The following SHISAL2B variants were observed in gnomAD, a reference collection of about 807,000 sequenced individuals.
SHISAL2B encodes the protein shisa like 2B, also known as protein shisa-like-2B.
Under a neutral mutation model 16.5 loss-of-function variants are expected in SHISAL2B, and 12 were observed. The observed-to-expected ratio is 0.73, with a 90% CI of 0.47 to 1.18. SHISAL2B has a LOEUF of 1.18. SHISAL2B is among the 50% of genes most tolerant of loss of function. The pLI is 0.00. For missense variants in SHISAL2B, 183 were observed against 193.6 expected, an observed-to-expected ratio of 0.95 and a Z score of 0.33; for synonymous variants, 72 against 75.0, an observed-to-expected ratio of 0.96 and a Z score of 0.21.
chr5:64,694,907 A>G (rs558180579), intron 1 of SHISAL2B, among the ~76,000 whole-genome samples: 1 of 152,316 alleles, frequency 6.6e-6, no homozygotes, highest in East Asian at 1.9e-4. Flanking sequence ...TTTTAGAATT[A>G]TCCCTAGAGA....
chr5:64,716,500 ATTAG>A (rs1433269011), intron 2 of SHISAL2B, among the ~76,000 whole-genome samples: 1 of 152,194 alleles, frequency 6.6e-6, no homozygotes, highest in African/African-American at 2.4e-5. Flanking sequence ...GGTAAATTAT[ATTAG>A]TTAATAAGTG....
At chr5:64,714,907 G>C (rs576286054) in intron 2 of SHISAL2B, among the ~76,000 whole-genome samples, 4 of 152,070 alleles carry the variant, frequency 2.6e-5, no homozygotes, top group Non-Finnish European at 5.9e-5. Context: ...GCTCGTGCAC[G>C]GTGCGTGCAC....
At chr5:64,714,670 T>C (rs904092457) in intron 2 of SHISAL2B, among the ~76,000 whole-genome samples, 3 of 152,196 alleles carry the variant, frequency 2.0e-5, no homozygotes, top group Non-Finnish European at 4.4e-5. Flanking sequence ...GATCTCAGAC[T>C]GCTGTGCTAG....
intron 2 of SHISAL2B, among the ~76,000 whole-genome samples, chr5:64,714,747 CT>C (rs1742017649): frequency 6.6e-6 from 1 of 152,182 alleles, no homozygotes; most frequent in Non-Finnish European, 1.5e-5. Context: ...TCGTGGTGCG[CT>C]GTTTTTTTAA....
chr5:64,696,273 C>T (rs1054726360), intron 2 of SHISAL2B, among the ~76,000 whole-genome samples: 6 of 152,146 alleles, frequency 3.9e-5, no homozygotes, highest in African/African-American at 7.2e-5. Flanking sequence ...CTGTTATCTT[C>T]GTAAGCTGAG....
chr5:64,714,964 C>T (rs1195676866), intron 2 of SHISAL2B, among the ~76,000 whole-genome samples: 3 of 152,106 alleles, frequency 2.0e-5, no homozygotes, highest in Admixed American at 6.5e-5. Flanking sequence ...GAGATGAACC[C>T]GGTACCTCAG....
intron 1 of SHISAL2B, among the ~76,000 whole-genome samples, chr5:64,693,250 G>A (rs182274911): frequency 7.2e-5 from 11 of 151,914 alleles, no homozygotes; most frequent in African/African-American, 2.7e-4. Context: ...CTCGTGATTC[G>A]CCCGCCTCAG....
intron 1 of SHISAL2B, among the ~76,000 whole-genome samples, chr5:64,693,570 T>C (rs905147473): frequency 1.3e-5 from 2 of 152,218 alleles, no homozygotes; most frequent in Non-Finnish European, 2.9e-5. Flanking sequence ...GTTTGAAGAA[T>C]CTTTCCAGAT....
chr5:64,702,594 C>T (rs962089067), intron 2 of SHISAL2B, among the ~76,000 whole-genome samples: 1 of 151,456 alleles, frequency 6.6e-6, no homozygotes, highest in Admixed American at 6.6e-5. Context: ...ATATAATTAC[C>T]TAGCTATATA....
At chr5:64,690,851 G>T in intron 1 of SHISAL2B, 37 bp downstream of exon 1, 1 of 1,470,358 alleles carries the variant, frequency 6.8e-7, no homozygotes, top group Non-Finnish European at 9.0e-7. Flanking sequence ...GGCTGGCCGA[G>T]CCCGGGGCTA....
intron 2 of SHISAL2B, among the ~76,000 whole-genome samples, chr5:64,707,642 T>A (rs1232590471): frequency 6.6e-6 from 1 of 152,202 alleles, no homozygotes; most frequent in Non-Finnish European, 1.5e-5. Flanking sequence ...GTTTCCAAAT[T>A]CTGGAGAAAT....
Position 64,706,692 on chromosome 5 carries a change from G to A in SHISAL2B, c.349+11028G>A, listed in dbSNP as rs561908363. Among the ~76,000 whole-genome samples the A allele has an allele frequency of 5.3e-5, 8 of 152,218 alleles. No individual in the cohort carries two copies. In the East Asian group the frequency reaches 1.4e-3, roughly 26 times the overall value. On this transcript the variant is annotated intron_variant, in intron 2 of 2. Coordinates refer to ENST00000389074, the MANE Select transcript of SHISAL2B (RefSeq NM_001164442.2). ...TCCTATCAAAGAGAAAATAGGGGGA[G>A]GAAGAGAGAAAACAAACAAAAACAG...
chr5:64,700,100 A>G (rs1207617192), intron 2 of SHISAL2B, among the ~76,000 whole-genome samples: 2 of 152,220 alleles, frequency 1.3e-5, no homozygotes, highest in Non-Finnish European at 2.9e-5. Flanking sequence ...ATTGTTCTGT[A>G]CAGGACGTAC....
intron 2 of SHISAL2B, among the ~76,000 whole-genome samples, chr5:64,717,112 G>A (rs780557156): frequency 6.6e-6 from 1 of 152,142 alleles, no homozygotes; most frequent in Non-Finnish European, 1.5e-5. Context: ...GTAGCAGGGA[G>A]TAAAAAAGAA....
At chr5:64,693,821 G>C (rs1256047883) in intron 1 of SHISAL2B, among the ~76,000 whole-genome samples, 1 of 152,158 alleles carries the variant, frequency 6.6e-6, no homozygotes, top group East Asian at 1.9e-4. Context: ...AGTGACTCTA[G>C]CCATAAAATT....
At chr5:64,696,623 C>T (rs1741740316) in intron 2 of SHISAL2B, among the ~76,000 whole-genome samples, 1 of 152,066 alleles carries the variant, frequency 6.6e-6, no homozygotes, top group Non-Finnish European at 1.5e-5. Flanking sequence ...GAGTGTCTGT[C>T]TTATGTGGTT....
intron 1 of SHISAL2B, among the ~76,000 whole-genome samples, chr5:64,693,143 G>T (rs531015783): frequency 6.6e-6 from 1 of 152,168 alleles, no homozygotes; most frequent in Admixed American, 6.5e-5. Context: ...GAGTAGCTGG[G>T]ACTACAGGCG....
At position 64,695,655 on chromosome 5, in the gene SHISAL2B, A is replaced by G; in HGVS notation, c.340A>G (p.Thr114Ala). Residue 114 changes from threonine (T) to alanine (A), a missense_variant, in exon 2 of 3, where the codon ACT (threonine) becomes GCT (alanine). By Grantham distance (58) the Thr-to-Ala change is moderately conservative (BLOSUM62 0). Coordinates refer to ENST00000389074, the MANE Select transcript of SHISAL2B (RefSeq NM_001164442.2). ...LKLQHLEASS[T>A]QEGKSNGKTK... is the part of the protein sequence containing the mutation. ...GCTTCAACACTTAGAGGCTTCTTCCACTCAAGAAGGTAATCAGTATCTATT... is the reference window on the plus strand; with the variant it reads ...GCTTCAACACTTAGAGGCTTCTTCCGCTCAAGAAGGTAATCAGTATCTATT... 2 of 1,527,490 alleles carry G rather than the reference A, an allele frequency of 1.3e-6. No homozygotes were observed. The highest frequency in any genetic ancestry group is 8.7e-7 in the Non-Finnish European group (1 of 1,142,868). 94.6% of individuals were successfully genotyped at this position (1,527,490 alleles called of 1,614,324 possible).
chr5:64,695,670 C>A lies in SHISAL2B; in HGVS notation c.349+6C>A. ...GGCTTCTTCCACTCAAGAAGGTAAT[C>A]AGTATCTATTATTTGTTACCAATTA... On this transcript the variant is annotated splice_donor_region_variant and intron_variant, in intron 2 of 2. Transcript: ENST00000389074. The A allele has an allele frequency of 6.6e-7, 1 of 1,518,136 alleles. No individual in the cohort carries two copies. Among genetic ancestry groups the A allele is most frequent in the South Asian group, 1.2e-5 (1 of 80,922 alleles). 94.0% of individuals were successfully genotyped at this position (1,518,136 alleles called of 1,614,324 possible).
Sources: allele counts gnomAD v4.1 joint callset (sites outside exome capture counted in the v4.1 genomes callset), GRCh38; gene constraint gnomAD v4.1.1; transcripts MANE v1.5; gene names NCBI Gene and HGNC (gene_info 2026-07-23, HGNC 2026-07-21).